Variants in GALNTL6 observed in about 807,000 individuals in gnomAD.
The protein encoded by GALNTL6 is polypeptide N-acetylgalactosaminyltransferase-like 6.
GALNTL6 carries 46 observed loss-of-function variants against 73.7 expected under a neutral mutation model. The ratio of observed to expected loss-of-function variants is 0.62; its 90% CI spans 0.49 to 0.80. The LOEUF is 0.80. Ranked by LOEUF, GALNTL6 falls within the 30% of genes least tolerant of loss-of-function variation. The pLI, the probability that GALNTL6 is intolerant of heterozygous loss-of-function variation, is 0.00. For missense variants in GALNTL6, 604 were observed against 755.0 expected, an observed-to-expected ratio of 0.80 and a Z score of 2.34; for synonymous variants, 259 against 263.7, an observed-to-expected ratio of 0.98 and a Z score of 0.17.
chr4:172,386,060 A>G (rs1428836913), intron 5 of GALNTL6, among the ~76,000 whole-genome samples: 1 of 152,142 alleles, frequency 6.6e-6, no homozygotes, highest in Non-Finnish European at 1.5e-5. Flanking sequence ...GCTTTATGCT[A>G]TTATTTAATC....
At chr4:172,785,632 A>G (rs1739610286) in intron 5 of GALNTL6, among the ~76,000 whole-genome samples, 1 of 152,180 alleles carries the variant, frequency 6.6e-6, no homozygotes, top group Non-Finnish European at 1.5e-5. Context: ...TCAGATTATC[A>G]TAAGAGTTAA....
At chr4:172,336,281 T>TG (rs1370345716) in intron 4 of GALNTL6, among the ~76,000 whole-genome samples, 1 of 138,768 alleles carries the variant, frequency 7.2e-6, no homozygotes, top group Admixed American at 7.2e-5. Flanking sequence ...TTTTGTTTTT[T>TG]TTTTTTTTTG....
intron 7 of GALNTL6, among the ~76,000 whole-genome samples, chr4:172,825,129 TCTTC>T (rs1247622112): frequency 2.1e-5 from 3 of 140,670 alleles, no homozygotes; most frequent in South Asian, 2.3e-4. Flanking sequence ...TTTCTTTCTT[TCTTC>T]CTTTCTTTCC....
intron 5 of GALNTL6, among the ~76,000 whole-genome samples, chr4:172,642,437 A>G (rs558300427): frequency 3.9e-5 from 6 of 152,180 alleles, no homozygotes; most frequent in African/African-American, 1.4e-4. Flanking sequence ...GCAACAAAAT[A>G]GATAAGCCTG....
intron 7 of GALNTL6, among the ~76,000 whole-genome samples, chr4:172,865,922 C>G (rs564882780): frequency 2.0e-5 from 3 of 152,318 alleles, no homozygotes; most frequent in African/African-American, 7.2e-5. Context: ...CTCTCAGTTT[C>G]AGGGAATTGC....
chr4:172,913,997 G>A (rs763278434), intron 8 of GALNTL6, among the ~76,000 whole-genome samples: 6 of 152,112 alleles, frequency 3.9e-5, no homozygotes, highest in Non-Finnish European at 8.8e-5. Flanking sequence ...AGAGAGAAAG[G>A]TCAGGTTACC....
chr4:171,960,772 T>A (rs74441768), intron 2 of GALNTL6, among the ~76,000 whole-genome samples: 1,583 of 148,180 alleles, frequency 0.011, 34 homozygotes, highest in African/African-American at 0.038. Flanking sequence ...AACAAGCACC[T>A]CAGGAAAATG....
At chr4:172,183,071 G>A (rs1260001650) in intron 2 of GALNTL6, among the ~76,000 whole-genome samples, 2 of 152,108 alleles carry the variant, frequency 1.3e-5, no homozygotes, top group Admixed American at 6.6e-5. Flanking sequence ...TGAGTCCCAT[G>A]TTGGGACATA....
At chr4:171,861,063 TC>T (rs1328821645) in intron 2 of GALNTL6, among the ~76,000 whole-genome samples, 1 of 152,190 alleles carries the variant, frequency 6.6e-6, no homozygotes, top group Non-Finnish European at 1.5e-5. Flanking sequence ...CCAACATATC[TC>T]CTGTCCAATA....
chr4:172,402,369 A>G (rs1744074216), intron 5 of GALNTL6, among the ~76,000 whole-genome samples: 1 of 152,140 alleles, frequency 6.6e-6, no homozygotes, highest in Non-Finnish European at 1.5e-5. Flanking sequence ...ATTTTAAAAG[A>G]TAACATGAAG....
At chr4:171,978,689 A>G (rs192101207) in intron 2 of GALNTL6, among the ~76,000 whole-genome samples, 4 of 152,310 alleles carry the variant, frequency 2.6e-5, no homozygotes, top group Non-Finnish European at 4.4e-5. Context: ...TTAAGTCCTC[A>G]GTCTTTCTGA....
chr4:172,844,424 C>T (rs549343451), intron 7 of GALNTL6, among the ~76,000 whole-genome samples: 34 of 152,224 alleles, frequency 2.2e-4, no homozygotes, highest in Non-Finnish European at 2.5e-4. Flanking sequence ...CAGGCATCGA[C>T]AGCTAGAGAG....
chr4:172,648,374 T>G (rs1740333757), intron 5 of GALNTL6, among the ~76,000 whole-genome samples: 1 of 152,212 alleles, frequency 6.6e-6, no homozygotes, highest in African/African-American at 2.4e-5. Context: ...CACAGTCTTT[T>G]CCTGGGAACA....
chr4:172,981,986 G>A (rs1239827404), intron 10 of GALNTL6, among the ~76,000 whole-genome samples: 1 of 151,744 alleles, frequency 6.6e-6, no homozygotes. Flanking sequence ...GTAGAGACGG[G>A]GTTTCTCCAT....
chr4:172,241,705 T>C (rs1737439969), intron 3 of GALNTL6, among the ~76,000 whole-genome samples: 1 of 152,202 alleles, frequency 6.6e-6, no homozygotes, highest in African/African-American at 2.4e-5. Context: ...TTAAGAGTTA[T>C]GCTTTTATCC....
chr4:172,019,608 C>G (rs1406535457), intron 2 of GALNTL6, among the ~76,000 whole-genome samples: 3 of 152,026 alleles, frequency 2.0e-5, no homozygotes, highest in Admixed American at 2.0e-4. Flanking sequence ...GTCAACTCAG[C>G]AAGAGGATAT....
At chr4:172,203,607 T>C (rs1736020873) in intron 2 of GALNTL6, among the ~76,000 whole-genome samples, 1 of 152,296 alleles carries the variant, frequency 6.6e-6, no homozygotes, top group East Asian at 1.9e-4. Flanking sequence ...GGTTCAAATA[T>C]ATTACATCAT....
At position 172,828,413 on chromosome 4, in the gene GALNTL6, C is replaced by T. The variant is rs564563759; in HGVS notation, c.923+14690C>T. Among the ~76,000 whole-genome samples the T allele has an allele frequency of 4.6e-5, 7 of 152,284 alleles. No homozygotes were observed. In the South Asian group the frequency reaches 1.5e-3, roughly 32 times the overall value. Reference sequence around the variant, plus strand: ...ACCTGCCTGTCATCCTATGCCTCCCCTCACTCAGGGGCCACAGTCAGCCCT... The same window carrying T: ...ACCTGCCTGTCATCCTATGCCTCCCTTCACTCAGGGGCCACAGTCAGCCCT... On this transcript the variant is annotated intron_variant, in intron 7 of 12. Transcript: ENST00000506823.
intron 2 of GALNTL6, among the ~76,000 whole-genome samples, chr4:172,048,721 GTTTTTCA>G (rs1742285722): frequency 6.6e-6 from 1 of 151,736 alleles, no homozygotes; most frequent in East Asian, 1.9e-4. Context: ...CCACTGAAAA[GTTTTTCA>G]TTTTTTATTT....
Sources: gnomAD v4.1 joint callset for allele counts (sites outside exome capture counted in the v4.1 genomes callset) on GRCh38, gnomAD v4.1.1 for gene constraint, MANE v1.5 for transcripts, NCBI Gene and HGNC (gene_info 2026-07-23, HGNC 2026-07-21) for gene names.